The following HECW2 variants were observed in gnomAD, a reference collection of about 807,000 sequenced individuals.
The protein encoded by HECW2 is E3 ubiquitin-protein ligase HECW2.
HECW2 carries 61 observed loss-of-function variants against 175.2 expected under a neutral mutation model. The ratio of observed to expected loss-of-function variants is 0.35; its 90% CI spans 0.28 to 0.43. HECW2 has a LOEUF of 0.43. HECW2 is among the 20% of genes least tolerant of loss of function. The pLI is 1.00. For missense variants in HECW2, 1,524 were observed against 2,000.5 expected (o/e 0.76, Z 4.54); for synonymous variants, 671 against 731.0 (o/e 0.92, Z 1.32).
intron 6 of HECW2, among the ~76,000 whole-genome samples, chr2:196,323,919 GTT>G (rs1294087624): frequency 4.0e-4 from 15 of 37,664 alleles, no homozygotes; most frequent in African/African-American, 8.7e-4. Flanking sequence ...TTTTTTGTTT[GTT>G]TTTTTTTTTT....
At chr2:196,310,789 T>TGTGTGTGTGTGTGTG (rs1559030489) in intron 10 of HECW2, among the ~76,000 whole-genome samples, 6 of 151,430 alleles carry the variant, frequency 4.0e-5, no homozygotes, top group South Asian at 2.1e-4. Flanking sequence ...TGTGTGTGTG[T>TGTGTGTGTGTGTGTG]TTTGCACTGA....
chr2:196,431,053 A>G (rs548984792), intron 2 of HECW2, among the ~76,000 whole-genome samples: 4 of 152,344 alleles, frequency 2.6e-5, no homozygotes, highest in African/African-American at 9.6e-5. Context: ...AGGGGAAAAA[A>G]GACATGTAAC....
At chr2:196,560,249 G>A (rs1689951141) in intron 1 of HECW2, among the ~76,000 whole-genome samples, 1 of 152,116 alleles carries the variant, frequency 6.6e-6, no homozygotes, top group Non-Finnish European at 1.5e-5. Flanking sequence ...AGGTTCAAGT[G>A]ATTCTCCTGC....
chr2:196,428,695 A>G (rs566240811), intron 2 of HECW2, among the ~76,000 whole-genome samples: 23 of 152,320 alleles, frequency 1.5e-4, no homozygotes, highest in African/African-American at 3.8e-4. Context: ...TGCTTCTTTT[A>G]AAAACAACCT....
At chr2:196,455,179 G>T (rs1333582547) in intron 1 of HECW2, among the ~76,000 whole-genome samples, 1 of 151,984 alleles carries the variant, frequency 6.6e-6, no homozygotes, top group Non-Finnish European at 1.5e-5. Context: ...GATTACAGGT[G>T]TGTGCCACCA....
At chr2:196,214,264 T>A (rs1354656366) in intron 28 of HECW2, among the ~76,000 whole-genome samples, 1 of 152,138 alleles carries the variant, frequency 6.6e-6, no homozygotes, top group East Asian at 1.9e-4. Context: ...AAGCTAAAGC[T>A]CCAGGTCTAT....
Position 196,433,154 on chromosome 2 carries a change from A to G in HECW2, c.270T>C (p.Asp90=), listed in dbSNP as rs1361976490. The G allele has an allele frequency of 3.1e-6, 5 of 1,613,188 alleles. No individual in the cohort carries two copies. Among genetic ancestry groups the G allele is most frequent in the Admixed American group, 3.3e-5 (2 of 59,988 alleles). The change falls in exon 2 of 29, where the codon GAT becomes GAC. Residue 90 remains aspartate, a synonymous_variant. Coordinates refer to ENST00000644978, the MANE Select transcript of HECW2 (RefSeq NM_001348768.2). ...WDIKEEVDPS[D]WIGLYHIDEN... is the part of the protein sequence containing the mutation. The stretch of plus-strand genomic sequence containing the variant: ...CACCTATATGATAAAGTCCAATCCA[A>G]TCACTGGGGTCCACCTCCTCTTTAA...
rs1690437454 is a variant in HECW2 at position 196,572,957 on chromosome 2, AG to A, written c.-36+20550del. Among the ~76,000 whole-genome samples, 6 of 152,242 alleles carry A rather than the reference AG, an allele frequency of 3.9e-5. No homozygotes were observed. In the South Asian group the frequency reaches 1.2e-3, roughly 31 times the overall value. ...TATGGTATTCCGTTATAGCAGTCAG[AG>A]CTGACTAAGACGTGTATATTACCAA... On this transcript the variant is annotated intron_variant, in intron 1 of 28. Coordinates refer to ENST00000644978, the MANE Select transcript of HECW2 (RefSeq NM_001348768.2).
intron 1 of HECW2, among the ~76,000 whole-genome samples, chr2:196,531,661 C>CAA (rs1168825418): frequency 5.0e-5 from 5 of 100,070 alleles, no homozygotes; most frequent in African/African-American, 1.7e-4. Flanking sequence ...GACTCTGTCT[C>CAA]AAAAAAAAAA....
chr2:196,269,466 C>A (rs1416360572), intron 17 of HECW2: 1 of 99,718 alleles, frequency 1.0e-5, no homozygotes, highest in Non-Finnish European at 1.8e-5. Context: ...GCCTGGGCGA[C>A]AAGAGTGGGA....
intron 21 of HECW2, among the ~76,000 whole-genome samples, chr2:196,236,728 G>A (rs1688265544): frequency 6.6e-6 from 1 of 152,170 alleles, no homozygotes; most frequent in Non-Finnish European, 1.5e-5. Flanking sequence ...TTTTTCTCAT[G>A]GTTGGACTAG....
intron 1 of HECW2, among the ~76,000 whole-genome samples, chr2:196,443,392 T>A (rs1036566231): frequency 1.3e-5 from 2 of 152,170 alleles, no homozygotes; most frequent in African/African-American, 4.8e-5. Flanking sequence ...AAGGGCAACA[T>A]CTCTTACTCA....
chr2:196,492,910 T>C, intron 1 of HECW2, among the ~76,000 whole-genome samples: 1 of 152,176 alleles, frequency 6.6e-6, no homozygotes, highest in East Asian at 1.9e-4. Context: ...GTTTGTGATG[T>C]TAGAGAACAG....
At chr2:196,388,017 A>G (rs1342108194) in intron 2 of HECW2, among the ~76,000 whole-genome samples, 5 of 152,308 alleles carry the variant, frequency 3.3e-5, no homozygotes, top group Admixed American at 1.3e-4. Flanking sequence ...GTGGCCAGAA[A>G]CAGTGTCTCA....
intron 1 of HECW2, among the ~76,000 whole-genome samples, chr2:196,558,561 C>T (rs1689885614): frequency 6.6e-6 from 1 of 152,232 alleles, no homozygotes; most frequent in Admixed American, 6.5e-5. Context: ...GTGATTAATT[C>T]ACCAAAGCTC....
intron 14 of HECW2, among the ~76,000 whole-genome samples, chr2:196,286,063 C>T (rs890169128): frequency 2.0e-5 from 3 of 152,038 alleles, no homozygotes; most frequent in Admixed American, 6.6e-5. Context: ...AAGAGGGGAG[C>T]CAGTGTTATG....
chr2:196,436,549 G>T (rs1695881306), intron 1 of HECW2, among the ~76,000 whole-genome samples: 1 of 152,024 alleles, frequency 6.6e-6, no homozygotes, highest in Non-Finnish European at 1.5e-5. Flanking sequence ...AAAAAAGCCT[G>T]CATTCTAACA....
intron 15 of HECW2, among the ~76,000 whole-genome samples, chr2:196,277,928 T>G (rs1265849073): frequency 2.4e-4 from 28 of 116,182 alleles, no homozygotes; most frequent in African/African-American, 8.0e-4. Flanking sequence ...AATTGAACAG[T>G]GAGAACACTT....
Position 196,199,675 on chromosome 2 carries a change from T to C in HECW2, c.*1602A>G, listed in dbSNP as rs1686794922. 1 of 152,322 alleles carries C rather than the reference T, an allele frequency of 6.6e-6. No homozygotes were observed. The highest frequency in any genetic ancestry group is 2.4e-5 in the African/African-American group (1 of 41,458). The allele number at this position is 152,322 out of a possible 1,614,324, so 9.4% of individuals were successfully genotyped here. On this transcript the variant is annotated 3_prime_UTR_variant, in exon 29 of 29. Transcript: ENST00000644978. ...GCTGGCAAACCATATGTCAATCCAA[T>C]GCTTTTATGACCCCCAATTTAACTT...
Sources: allele counts gnomAD v4.1 joint callset (sites outside exome capture counted in the v4.1 genomes callset), GRCh38; gene constraint gnomAD v4.1.1; transcripts MANE v1.5; gene names NCBI Gene and HGNC (gene_info 2026-07-23, HGNC 2026-07-21).